Variants in PRELID2 observed in about 807,000 individuals in gnomAD.
The protein encoded by PRELID2 is PRELI domain containing 2.
PRELID2 carries 25 observed loss-of-function variants against 28.4 expected under a neutral mutation model. That is an observed-to-expected ratio of 0.88 (90% CI 0.64 to 1.23). PRELID2 has a LOEUF of 1.23. Ranked by LOEUF, PRELID2 falls within the 50% of genes most tolerant of loss-of-function variation. The pLI is 0.00. For synonymous variants in PRELID2, 76 were observed against 71.6 expected, an observed-to-expected ratio of 1.06 and a Z score of -0.31; for missense variants, 201 against 214.4, an observed-to-expected ratio of 0.94 and a Z score of 0.39.
the PRELID2 span, among the ~76,000 whole-genome samples, chr5:145,451,392 T>C: frequency 4.6e-5 from 7 of 152,216 alleles, no homozygotes; most frequent in African/African-American, 9.7e-5. Context: ...CGGTCATCTT[T>C]GTTTTCTGAA....
intron 1 of PRELID2, among the ~76,000 whole-genome samples, chr5:145,654,034 CA>C (rs1472842251): frequency 6.6e-6 from 1 of 151,906 alleles, no homozygotes; most frequent in Non-Finnish European, 1.5e-5. Flanking sequence ...AGAGAAGAAT[CA>C]AACAGATGCA....
intron 1 of PRELID2, among the ~76,000 whole-genome samples, chr5:145,561,488 A>C (rs1351097570): frequency 1.3e-5 from 2 of 152,172 alleles, no homozygotes; most frequent in Non-Finnish European, 1.5e-5. Flanking sequence ...TCATTCAATA[A>C]ATTGTCTTAT....
At chr5:145,356,952 G>C in the PRELID2 span, among the ~76,000 whole-genome samples, 1 of 152,104 alleles carries the variant, frequency 6.6e-6, no homozygotes, top group Non-Finnish European at 1.5e-5. Flanking sequence ...AATTTCCTTA[G>C]CAACTGCTTG....
chr5:145,451,388 T>G, the PRELID2 span, among the ~76,000 whole-genome samples: 8 of 152,222 alleles, frequency 5.3e-5, no homozygotes, highest in South Asian at 4.1e-4. Context: ...TTACCGGTCA[T>G]CTTTGTTTTC....
rs530907960 is a variant in PRELID2 at position 145,813,339 on chromosome 5, C to T, written c.368+4555G>A. Among the ~76,000 whole-genome samples the T allele has an allele frequency of 4.6e-5, 7 of 152,308 alleles. No homozygotes were observed. The East Asian group carries it at 1.3e-3, about 29-fold the overall frequency. ...CCCATTACCCATTCATTTAGAATGT[C>T]TGCCTAAATGCCTTTCTAAATCCAT... On this transcript the variant is annotated intron_variant, in intron 4 of 6. Transcript: ENST00000683046.
At position 145,833,454 on chromosome 5, in the gene PRELID2, T is replaced by C. The variant is rs578101157; in HGVS notation, c.75+1723A>G. Among the ~76,000 whole-genome samples the C allele has an allele frequency of 3.9e-5, 6 of 152,318 alleles. No homozygotes were observed. The East Asian group carries it at 1.2e-3, about 29-fold the overall frequency. On this transcript the variant is annotated intron_variant, in intron 1 of 6. Transcript: ENST00000683046. ...AAAAATTGGGTGTTGGCTGTTACTT[T>C]TTGGGCCCAGAAGCCTGGCCTAAGG...
At chr5:145,420,991 C>T in the PRELID2 span, among the ~76,000 whole-genome samples, 2 of 141,836 alleles carry the variant, frequency 1.4e-5, no homozygotes, top group Admixed American at 1.4e-4. Context: ...TTGAGATAAT[C>T]ATGTGGTTTT....
chr5:145,356,170 T>C, the PRELID2 span, among the ~76,000 whole-genome samples: 1 of 152,220 alleles, frequency 6.6e-6, no homozygotes, highest in East Asian at 1.9e-4. Context: ...TTTAACACAT[T>C]TGAATTTAAG....
At chr5:145,537,735 T>A (rs1752711926) in intron 1 of PRELID2, among the ~76,000 whole-genome samples, 1 of 151,904 alleles carries the variant, frequency 6.6e-6, no homozygotes, top group African/African-American at 2.4e-5. Flanking sequence ...ATTCTAGAGA[T>A]CAACCCCTAG....
intron 2 of PRELID2, among the ~76,000 whole-genome samples, chr5:145,820,650 A>G (rs933767226): frequency 1.3e-5 from 2 of 152,162 alleles, no homozygotes; most frequent in African/African-American, 4.8e-5. Flanking sequence ...TACCGGCAGC[A>G]AACCTGTACG....
At chr5:145,295,244 T>C in the PRELID2 span, among the ~76,000 whole-genome samples, 1 of 152,138 alleles carries the variant, frequency 6.6e-6, no homozygotes. Flanking sequence ...CTAAGTTGCC[T>C]CTGATGAAAA....
intron 1 of PRELID2, among the ~76,000 whole-genome samples, chr5:145,559,688 A>G (rs1247308878): frequency 1.3e-5 from 2 of 152,000 alleles, no homozygotes; most frequent in African/African-American, 4.8e-5. Flanking sequence ...TTCTTAGCCT[A>G]TCTTCTTGCT....
chr5:145,807,671 C>T (rs1581243199), intron 4 of PRELID2, among the ~76,000 whole-genome samples: 1 of 152,220 alleles, frequency 6.6e-6, no homozygotes, highest in East Asian at 1.9e-4. Context: ...TGCACTTACC[C>T]TGCAGCAAAT....
chr5:145,413,649 C>T, the PRELID2 span, among the ~76,000 whole-genome samples: 1 of 135,826 alleles, frequency 7.4e-6, no homozygotes, highest in Admixed American at 7.6e-5. Context: ...CACACACACA[C>T]ACACATTATT....
At chr5:145,466,685 G>A in the PRELID2 span, among the ~76,000 whole-genome samples, 6 of 152,048 alleles carry the variant, frequency 3.9e-5, no homozygotes, top group African/African-American at 1.4e-4. Context: ...TGACAAGCTG[G>A]GACAAACATT....
chr5:145,814,460 G>A (rs555469336), intron 4 of PRELID2, among the ~76,000 whole-genome samples: 1 of 152,110 alleles, frequency 6.6e-6, no homozygotes, highest in Admixed American at 6.6e-5. Context: ...AAAACTAGCG[G>A]GTGGTTCAGA....
At chr5:145,341,862 C>A in the PRELID2 span, among the ~76,000 whole-genome samples, 1 of 151,940 alleles carries the variant, frequency 6.6e-6, no homozygotes, top group Non-Finnish European at 1.5e-5. Context: ...TATAAATTTC[C>A]CAAGTCTAGC....
At chr5:145,681,725 T>C (rs1395357235) in intron 1 of PRELID2, among the ~76,000 whole-genome samples, 1 of 152,190 alleles carries the variant, frequency 6.6e-6, no homozygotes, top group Non-Finnish European at 1.5e-5. Flanking sequence ...CTGCCTTGAC[T>C]ATCCTATCTG....
At chr5:145,705,971 C>CAT (rs397957597) in intron 1 of PRELID2, among the ~76,000 whole-genome samples, 2 of 150,556 alleles carry the variant, frequency 1.3e-5, no homozygotes, top group Non-Finnish European at 3.0e-5. Flanking sequence ...CACACACACA[C>CAT]TCCCCACAAA....
Sources: allele counts gnomAD v4.1 joint callset (sites outside exome capture counted in the v4.1 genomes callset), GRCh38; gene constraint gnomAD v4.1.1; transcripts MANE v1.5; gene names NCBI Gene and HGNC (gene_info 2026-07-23, HGNC 2026-07-21).